Variants in PELI2 observed in about 807,000 individuals in gnomAD.
PELI2 encodes the protein pellino E3 ubiquitin protein ligase family member 2.
A neutral mutation model predicts 42.3 loss-of-function variants in PELI2; 23 were observed. The observed-to-expected ratio is 0.54, with a 90% CI of 0.39 to 0.77. PELI2 has a LOEUF of 0.77. Ranked by LOEUF, PELI2 falls within the 30% of genes least tolerant of loss-of-function variation. The probability of loss-of-function intolerance (pLI) is 0.00; values close to 1 mark genes in which losing one functional copy is unlikely to be tolerated. For synonymous variants in PELI2, 245 were observed against 212.2 expected (o/e 1.15, Z -1.34); for missense variants, 463 against 553.2 (o/e 0.84, Z 1.64).
intron 1 of PELI2, among the ~76,000 whole-genome samples, chr14:56,163,055 T>C (rs1884824793): frequency 6.6e-6 from 1 of 152,178 alleles, no homozygotes; most frequent in Non-Finnish European, 1.5e-5. Context: ...TCTTTATTGA[T>C]TGTATCCTTT....
chr14:56,289,194 G>A (rs1319986291), intron 4 of PELI2, among the ~76,000 whole-genome samples: 5 of 152,142 alleles, frequency 3.3e-5, no homozygotes, highest in Non-Finnish European at 7.4e-5. Flanking sequence ...CACTCAAAAT[G>A]ATCTAAAATC....
intron 2 of PELI2, among the ~76,000 whole-genome samples, chr14:56,200,945 T>C (rs1221034439): frequency 6.6e-6 from 1 of 152,226 alleles, no homozygotes; most frequent in Non-Finnish European, 1.5e-5. Flanking sequence ...TTGGATTTCA[T>C]AGGCCTTCTT....
chr14:56,155,273 A>G (rs1884512648), intron 1 of PELI2, among the ~76,000 whole-genome samples: 1 of 150,564 alleles, frequency 6.6e-6, no homozygotes, highest in African/African-American at 2.4e-5. Context: ...CATTGCTTTT[A>G]TGTTAGGAAC....
intron 1 of PELI2, among the ~76,000 whole-genome samples, chr14:56,160,944 T>A (rs781632375): frequency 2.0e-5 from 3 of 152,188 alleles, no homozygotes; most frequent in Non-Finnish European, 2.9e-5. Context: ...CTGCCGTTAT[T>A]TTCACACAAA....
At chr14:56,169,147 A>G (rs1407042236) in intron 1 of PELI2, among the ~76,000 whole-genome samples, 5 of 152,148 alleles carry the variant, frequency 3.3e-5, no homozygotes, top group African/African-American at 1.2e-4. Context: ...GCCTGAGGTT[A>G]GGGGAGGGGT....
At chr14:56,206,283 G>GT (rs991829952) in intron 2 of PELI2, among the ~76,000 whole-genome samples, 17 of 152,268 alleles carry the variant, frequency 1.1e-4, no homozygotes, top group African/African-American at 3.8e-4. Flanking sequence ...CACAAAAGTT[G>GT]TATTAGAATG....
At position 56,299,256 on chromosome 14, in the gene PELI2, T is replaced by C. The variant is rs547744752; in HGVS notation, c.*2090T>C. On this transcript the variant is annotated 3_prime_UTR_variant, in exon 6 of 6. Coordinates refer to ENST00000267460, the MANE Select transcript of PELI2 (RefSeq NM_021255.3). ...GTTAGGTATATCATAATTTTCCATT[T>C]CAAGTCCTGTTTATAAGTCTAGTCA... is the stretch of plus-strand genomic sequence containing the variant. 1 of 152,226 alleles carries C rather than the reference T, an allele frequency of 6.6e-6. No homozygotes were observed. The highest frequency in any genetic ancestry group is 2.4e-5 in the African/African-American group (1 of 41,450). 9.4% of individuals were successfully genotyped at this position (152,226 alleles called of 1,614,324 possible). A position where few individuals can be genotyped will look rare whatever the true frequency, so the allele number is the denominator to read the frequency against.
At chr14:56,241,486 T>C (rs1887972008) in intron 2 of PELI2, among the ~76,000 whole-genome samples, 1 of 152,156 alleles carries the variant, frequency 6.6e-6, no homozygotes, top group African/African-American at 2.4e-5. Context: ...TTTTGCCTTT[T>C]ATTCTACCTG....
chr14:56,299,242 C>T lies in PELI2; in HGVS notation c.*2076C>T, dbSNP rs1240096662. ...TATTTTTCCAGAGAGTTAGGTATAT[C>T]ATAATTTTCCATTTCAAGTCCTGTT... On this transcript the variant is annotated 3_prime_UTR_variant, in exon 6 of 6. Transcript: ENST00000267460. 2 of 152,140 alleles carry T rather than the reference C, an allele frequency of 1.3e-5. No individual in the cohort carries two copies. The highest frequency in any genetic ancestry group is 2.9e-5 in the Non-Finnish European group (2 of 68,020). The allele number at this position is 152,140 out of a possible 1,614,324, so 9.4% of individuals were successfully genotyped here.
At chr14:56,269,968 T>A (rs2139852513) in intron 2 of PELI2, among the ~76,000 whole-genome samples, 1 of 152,342 alleles carries the variant, frequency 6.6e-6, no homozygotes, top group South Asian at 2.1e-4. Context: ...ATCTAGCTTC[T>A]TTGTACTTGA....
At chr14:56,222,072 C>CT (rs5808850) in intron 2 of PELI2, among the ~76,000 whole-genome samples, 74,586 of 145,238 alleles carry the variant, frequency 0.51, 20,644 homozygotes, top group Middle Eastern at 0.64. Context: ...TAGCTTTGGA[C>CT]TTTTTTTTTT....
At chr14:56,250,684 G>A (rs1334985887) in intron 2 of PELI2, among the ~76,000 whole-genome samples, 1 of 152,128 alleles carries the variant, frequency 6.6e-6, no homozygotes, top group Non-Finnish European at 1.5e-5. Flanking sequence ...TCTTCTGCCT[G>A]CATTATTCTA....
intron 2 of PELI2, among the ~76,000 whole-genome samples, chr14:56,230,920 T>C (rs936692644): frequency 6.6e-6 from 1 of 151,722 alleles, no homozygotes; most frequent in East Asian, 1.9e-4. Context: ...ACCAAGCAAA[T>C]AGAAAACAAA....
intron 3 of PELI2, among the ~76,000 whole-genome samples, chr14:56,280,274 T>TGTCAAA (rs1889434448): frequency 6.6e-6 from 1 of 151,920 alleles, no homozygotes; most frequent in South Asian, 2.1e-4. Flanking sequence ...AACATTTATC[T>TGTCAAA]CAAAAGTTCT....
At chr14:56,274,531 AC>A (rs2139862419) in intron 2 of PELI2, among the ~76,000 whole-genome samples, 1 of 152,364 alleles carries the variant, frequency 6.6e-6, no homozygotes, top group African/African-American at 2.4e-5. Context: ...TGTTATCATT[AC>A]ATTTTATATA....
At chr14:56,294,581 G>T (rs1889938049) in intron 5 of PELI2, among the ~76,000 whole-genome samples, 1 of 152,154 alleles carries the variant, frequency 6.6e-6, no homozygotes, top group South Asian at 2.1e-4. Context: ...TCCCTTACAT[G>T]GTTCTTTTCC....
At chr14:56,218,646 G>A (rs1450469678) in intron 2 of PELI2, among the ~76,000 whole-genome samples, 5 of 152,084 alleles carry the variant, frequency 3.3e-5, no homozygotes, top group African/African-American at 1.2e-4. Flanking sequence ...TATTGTTGCG[G>A]GTAATGCCTT....
At chr14:56,126,369 G>A (rs916546505) in intron 1 of PELI2, among the ~76,000 whole-genome samples, 1 of 152,216 alleles carries the variant, frequency 6.6e-6, no homozygotes, top group African/African-American at 2.4e-5. Flanking sequence ...AGTCATTCTC[G>A]ATTGAGGTTT....
chr14:56,264,061 G>A (rs530975732), intron 2 of PELI2, among the ~76,000 whole-genome samples: 120 of 152,158 alleles, frequency 7.9e-4, no homozygotes, highest in Admixed American at 2.0e-3. Flanking sequence ...TAATACTCAG[G>A]GTCCTTTTGC....
Sources: gnomAD v4.1 joint callset for allele counts (sites outside exome capture counted in the v4.1 genomes callset) on GRCh38, gnomAD v4.1.1 for gene constraint, MANE v1.5 for transcripts, NCBI Gene and HGNC (gene_info 2026-07-23, HGNC 2026-07-21) for gene names.